Variants in DLC1 observed in about 807,000 individuals in gnomAD.
DLC1 encodes rho GTPase-activating protein 7.
In DLC1, 54 loss-of-function variants were observed where a neutral mutation model predicts 140.3. The observed-to-expected ratio is 0.38, with a 90% CI of 0.31 to 0.48. DLC1 has a LOEUF of 0.48. Ranked by LOEUF, DLC1 falls within the 20% of genes least tolerant of loss-of-function variation. The pLI, the probability that DLC1 is intolerant of heterozygous loss-of-function variation, is 0.96. For missense variants in DLC1, 2,536 were observed against 1,907.0 expected (o/e 1.33, Z -6.14); for synonymous variants, 986 against 728.1 (o/e 1.35, Z -5.70).
intron 2 of DLC1, among the ~76,000 whole-genome samples, chr8:13,440,299 C>T (rs13272331): frequency 0.13 from 19,195 of 152,078 alleles, 1,600 homozygotes; most frequent in Non-Finnish European, 0.19. Context: ...TCTCTGGAGA[C>T]TTCATTGGTA....
intron 4 of DLC1, among the ~76,000 whole-genome samples, chr8:13,386,903 T>A (rs1836548969): frequency 6.6e-6 from 1 of 152,050 alleles, no homozygotes; most frequent in Admixed American, 6.5e-5. Flanking sequence ...CAGAAGCAAA[T>A]CTTTCTTTAA....
At chr8:13,459,907 G>A (rs191391884) in intron 2 of DLC1, among the ~76,000 whole-genome samples, 3 of 152,246 alleles carry the variant, frequency 2.0e-5, no homozygotes, top group East Asian at 3.9e-4. Flanking sequence ...CTGGTGACAC[G>A]CCCTCATCTC....
intron 4 of DLC1, among the ~76,000 whole-genome samples, chr8:13,347,419 G>A (rs939127956): frequency 6.6e-6 from 1 of 152,192 alleles, no homozygotes; most frequent in African/African-American, 2.4e-5. Flanking sequence ...GCTGGAGGAC[G>A]GGAGCAGCAG....
At chr8:13,467,207 A>T in intron 2 of DLC1, among the ~76,000 whole-genome samples, 1 of 152,306 alleles carries the variant, frequency 6.6e-6, no homozygotes, top group Non-Finnish European at 1.5e-5. Context: ...TTTCCAAATA[A>T]TTGCCTGATT....
intron 5 of DLC1, among the ~76,000 whole-genome samples, chr8:13,192,477 C>T (rs915128653): frequency 6.6e-6 from 1 of 152,178 alleles, no homozygotes; most frequent in African/African-American, 2.4e-5. Context: ...ATTTCCCACA[C>T]ATGCGTACAT....
At chr8:13,415,698 T>C (rs2117319687) in intron 2 of DLC1, among the ~76,000 whole-genome samples, 1 of 152,246 alleles carries the variant, frequency 6.6e-6, no homozygotes, top group Admixed American at 6.5e-5. Flanking sequence ...TGCAACCGGC[T>C]GATTTAATTT....
At chr8:13,172,902 T>C (rs1235248366) in intron 5 of DLC1, among the ~76,000 whole-genome samples, 1 of 152,202 alleles carries the variant, frequency 6.6e-6, no homozygotes, top group Non-Finnish European at 1.5e-5. Context: ...TGCGTCTCCA[T>C]CTTTCTGTAG....
At chr8:13,231,528 C>G (rs1281952329) in intron 5 of DLC1, among the ~76,000 whole-genome samples, 1 of 152,192 alleles carries the variant, frequency 6.6e-6, no homozygotes, top group Non-Finnish European at 1.5e-5. Context: ...ATACATGCCT[C>G]TTGAAGAAAA....
intron 2 of DLC1, among the ~76,000 whole-genome samples, chr8:13,458,124 G>A (rs1201256467): frequency 6.6e-6 from 1 of 152,110 alleles, no homozygotes; most frequent in Non-Finnish European, 1.5e-5. Context: ...AAAGTAGAAA[G>A]AGTCTAGACA....
chr8:13,101,128 C>A (rs1819052911), intron 8 of DLC1, among the ~76,000 whole-genome samples: 2 of 152,040 alleles, frequency 1.3e-5, no homozygotes, highest in South Asian at 4.1e-4. Context: ...CTAGGCTGGT[C>A]TCAAACTCCT....
intron 1 of DLC1, among the ~76,000 whole-genome samples, chr8:13,545,279 T>A (rs1803615981): frequency 6.6e-6 from 1 of 150,766 alleles, no homozygotes. Flanking sequence ...TAGGGAGAGG[T>A]CTATAATGTA....
At chr8:13,178,527 G>A (rs1297717318) in intron 5 of DLC1, among the ~76,000 whole-genome samples, 2 of 147,534 alleles carry the variant, frequency 1.4e-5, no homozygotes, top group South Asian at 2.1e-4. Context: ...AGCCGAGATT[G>A]CACCACTGGG....
At chr8:13,189,806 C>T (rs368546696) in intron 5 of DLC1, among the ~76,000 whole-genome samples, 1,921 of 151,966 alleles carry the variant, frequency 0.013, 52 homozygotes, top group African/African-American at 0.043. Flanking sequence ...CGCTTGAAAC[C>T]GGGAGGCAGA....
rs1338715778 is a variant in DLC1, at chr8:13,090,355, A to G, written c.3971T>C (p.Phe1324Ser). Residue 1324 changes from phenylalanine (F) to serine (S), a missense_variant, in exon 15 of 18, where the codon TTC (phenylalanine) becomes TCC (serine). Physicochemically the swap from Phe to Ser is radical, Grantham distance 155. Transcript: ENST00000276297. ...GNDDSADYQH[F>S]LQDCVDGLFK... ...CAGGCCATCCACACAGTCCTGGAGGAAGTGTTGGTAGTCAGCTGAGTCATC... is the reference window on the plus strand; with the variant it reads ...CAGGCCATCCACACAGTCCTGGAGGGAGTGTTGGTAGTCAGCTGAGTCATC... 4 of 1,614,030 alleles carry G rather than the reference A, an allele frequency of 2.5e-6. No homozygotes were observed. Among genetic ancestry groups the G allele is most frequent in the East Asian group, 4.5e-5 (2 of 44,894 alleles).
chr8:13,159,114 G>C (rs1824492778), intron 5 of DLC1, among the ~76,000 whole-genome samples: 1 of 152,084 alleles, frequency 6.6e-6, no homozygotes, highest in Admixed American at 6.6e-5. Flanking sequence ...AGAGTGTTTT[G>C]TTATCTACCC....
At chr8:13,476,916 A>G (rs978332689) in intron 2 of DLC1, among the ~76,000 whole-genome samples, 8 of 152,228 alleles carry the variant, frequency 5.3e-5, no homozygotes, top group Non-Finnish European at 7.3e-5. Context: ...ACATAAGAAG[A>G]CAGCACAGTA....
At chr8:13,412,200 G>T (rs1309739692) in intron 2 of DLC1, among the ~76,000 whole-genome samples, 1 of 152,036 alleles carries the variant, frequency 6.6e-6, no homozygotes, top group Non-Finnish European at 1.5e-5. Context: ...AAACCCCAAA[G>T]CATCACTGGT....
chr8:13,330,060 G>A (rs971430384), intron 4 of DLC1, among the ~76,000 whole-genome samples: 1 of 152,076 alleles, frequency 6.6e-6, no homozygotes, highest in Non-Finnish European at 1.5e-5. Context: ...TAACTCCTAG[G>A]CTTAAGTGAC....
At chr8:13,496,581 C>T (rs78750137) in intron 2 of DLC1, among the ~76,000 whole-genome samples, 20,194 of 127,584 alleles carry the variant, frequency 0.16, 1,679 homozygotes, top group East Asian at 0.22. Flanking sequence ...TATATATACA[C>T]ACACACACAC....
Sources: gnomAD v4.1 joint callset for allele counts (sites outside exome capture counted in the v4.1 genomes callset) on GRCh38, gnomAD v4.1.1 for gene constraint, MANE v1.5 for transcripts, NCBI Gene and HGNC (gene_info 2026-07-23, HGNC 2026-07-21) for gene names.